PRKCSH: variants seen among roughly 807,000 people sequenced by gnomAD.
The protein encoded by PRKCSH is glucosidase 2 subunit beta.
PRKCSH carries 42 observed loss-of-function variants against 79.7 expected under a neutral mutation model. The observed-to-expected ratio is 0.53, with a 90% confidence interval of 0.41 to 0.68. The LOEUF (loss-of-function observed/expected upper bound fraction) is 0.68, where lower values mean the gene tolerates loss of function less well. PRKCSH is among the 30% of genes least tolerant of loss of function. The pLI is 0.00. For missense variants in PRKCSH, 686 were observed against 709.0 expected (o/e 0.97, Z 0.37); for synonymous variants, 325 against 288.2 (o/e 1.13, Z -1.29).
At chr19:11,439,595 T>TTTTTC (rs1405162854) in intron 5 of PRKCSH, among the ~76,000 whole-genome samples, 11 of 142,620 alleles carry the variant, frequency 7.7e-5, no homozygotes, top group Admixed American at 2.1e-4. Flanking sequence ...CTCAGAAAAA[T>TTTTTC]TTTTCTTTTC....
rs369300718 is a variant in PRKCSH, at chr19:11,436,480, C to T, written c.171C>T (p.Asp57=). 3 of 1,614,040 alleles carry T rather than the reference C, an allele frequency of 1.9e-6. No homozygotes were observed. The highest frequency in any genetic ancestry group is 2.2e-5 in the East Asian group (1 of 44,878). The change falls in exon 3 of 18, where the codon GAC becomes GAT. Residue 57 remains aspartate (D), a synonymous_variant. Transcript: ENST00000677123. ...ATCAGGTCAACGATGACTATTGCGA[C>T]TGCAAAGATGGCTCTGACGAGCCAG... ...PFDQVNDDYC[D]CKDGSDEPGT... is the part of the protein sequence containing the mutation.
In PRKCSH at chr19:11,445,473, C is replaced by A; in HGVS notation, c.683C>A (p.Thr228Lys). ...FKELDDDMDG[T>K]VSVTELQTHP... Reference sequence around the variant, plus strand: ...GAGCTGGATGATGACATGGACGGGACGTGAGTGTCCCCTAGTTGGAGCTGC... The same window carrying A: ...GAGCTGGATGATGACATGGACGGGAAGTGAGTGTCCCCTAGTTGGAGCTGC... Residue 228 changes from threonine (T) to lysine (K), a missense_variant and splice_region_variant, in exon 8 of 18, where the codon ACG becomes AAG. Thr to Lys is a moderately conservative substitution (Grantham distance 78). This residue lies in a region of PRKCSH where 549 missense variants were observed against 520.2 expected (regional missense o/e 1.06). Transcript: ENST00000677123. The A allele has an allele frequency of 6.2e-7, 1 of 1,613,862 alleles. No homozygotes were observed. The highest frequency in any genetic ancestry group is 8.5e-7 in the Non-Finnish European group (1 of 1,179,908).
rs1970404008 is a variant in PRKCSH at position 11,448,026 on chromosome 19, C to G, written c.1127-196C>G. ...CTTGTTTGTGTCACTCCTGGCCCCACTCGCTCAGGAGCTGGGAGCCTGGGC... is the reference window on the plus strand; with the variant it reads ...CTTGTTTGTGTCACTCCTGGCCCCAGTCGCTCAGGAGCTGGGAGCCTGGGC... On this transcript the variant is annotated intron_variant, in intron 12 of 17. Transcript: ENST00000677123. The surrounding 1 kb of genome is among the most constrained non-coding windows in gnomAD (Gnocchi z 4.4). The G allele has an allele frequency of 4.0e-6, 3 of 758,310 alleles. No homozygotes were observed. The highest frequency in any genetic ancestry group is 2.2e-6 in the Non-Finnish European group (1 of 460,528). The allele number at this position is 758,310 out of a possible 1,614,324, so 47.0% of individuals were successfully genotyped here.
chr19:11,435,750 A>AG, intron 1 of PRKCSH, 44 bp downstream of exon 1: 1 of 1,361,926 alleles, frequency 7.3e-7, no homozygotes, highest in African/African-American at 1.5e-5. Flanking sequence ...AGTTTCTTAC[A>AG]GGGGGCAACC....
Position 11,447,228 on chromosome 19 carries a change from A to T in PRKCSH, c.849+68A>T. 6.4e-7 allele frequency: 1 copy of T among 1,560,554 alleles called. No individual in the cohort carries two copies. The highest frequency in any genetic ancestry group is 8.8e-7 in the Non-Finnish European group (1 of 1,139,320). On this transcript the variant is annotated intron_variant, in intron 10 of 17. Transcript: ENST00000677123. This position sits in a 1 kb window ranked among gnomAD's most constrained non-coding sequence, Gnocchi z 5.6. ...CTGCCCCCACCCCGCCTCACAAAGG[A>T]GCTGCCTCTGGTTCTGGCACCTGGC... is the stretch of plus-strand genomic sequence containing the variant.
chr19:11,447,933 G>T lies in PRKCSH; in HGVS notation c.1126+144G>T. 2 of 1,057,292 alleles carry T rather than the reference G, an allele frequency of 1.9e-6. No individual in the cohort carries two copies. Among genetic ancestry groups the T allele is most frequent in the Non-Finnish European group, 2.7e-6 (2 of 746,818 alleles). 65.5% of individuals were successfully genotyped at this position (1,057,292 alleles called of 1,614,324 possible). On this transcript the variant is annotated intron_variant, in intron 12 of 17. Coordinates refer to ENST00000677123, the MANE Select transcript of PRKCSH (RefSeq NM_001289104.2). This position sits in a 1 kb window ranked among gnomAD's most constrained non-coding sequence, Gnocchi z 5.6. ...AGTATCTTGGGGAGTCCAGGAAGGG[G>T]GCCTAGGGTAAGCCAGTCCCACCCT...
intron 5 of PRKCSH, among the ~76,000 whole-genome samples, chr19:11,439,639 CAG>C (rs1442882580): frequency 2.9e-5 from 3 of 102,232 alleles, no homozygotes; most frequent in South Asian, 3.5e-4. Flanking sequence ...TTTTGTGAGA[CAG>C]AGTCTCACTC....
At chr19:11,445,730 C>T (rs1970266718) in intron 8 of PRKCSH, 1 of 563,408 alleles carries the variant, frequency 1.8e-6, no homozygotes, top group Non-Finnish European at 3.2e-6. Flanking sequence ...TGTGTCTAGG[C>T]ATCTAGTGAT....
At chr19:11,444,497 T>A (rs897656582) in intron 7 of PRKCSH, among the ~76,000 whole-genome samples, 7 of 152,194 alleles carry the variant, frequency 4.6e-5, no homozygotes, top group Non-Finnish European at 8.8e-5. Flanking sequence ...CCGGGTCTCC[T>A]GGGACATGCG....
In PRKCSH at chr19:11,447,753, C is replaced by T; in HGVS notation, c.1090C>T (p.Pro364Ser). Residue 364 changes from proline to serine, a missense_variant, in exon 12 of 18, where the codon CCG becomes TCG. By Grantham distance (74) the Pro-to-Ser change is moderately conservative. This residue lies in a region of PRKCSH where 549 missense variants were observed against 520.2 expected (regional missense o/e 1.06). Transcript: ENST00000677123. The surrounding 1 kb of genome is among the most constrained non-coding windows in gnomAD (Gnocchi z 5.6). ...PASPAEEDKM[P>S]PYDEQTQAFI... ...CAGCCCTGCTGAGGAAGACAAAATGCCGCCCTACGACGAGCAGACGCAGGC... is the reference window on the plus strand; with the variant it reads ...CAGCCCTGCTGAGGAAGACAAAATGTCGCCCTACGACGAGCAGACGCAGGC... 1.9e-6 allele frequency: 3 copies of T among 1,594,564 alleles called. No individual in the cohort carries two copies. Among genetic ancestry groups the T allele is most frequent in the Admixed American group, 1.7e-5 (1 of 57,390 alleles).
At chr19:11,445,874 C>G (rs1970272834) in intron 8 of PRKCSH, 4 of 420,064 alleles carry the variant, frequency 9.5e-6, no homozygotes, top group Non-Finnish European at 1.8e-5. Context: ...CACGGGGAGC[C>G]TAGGAGATGT....
At chr19:11,439,158 C>T (rs1969926162) in intron 5 of PRKCSH, among the ~76,000 whole-genome samples, 1 of 152,154 alleles carries the variant, frequency 6.6e-6, no homozygotes, top group Admixed American at 6.5e-5. Flanking sequence ...CTGCTCGCCT[C>T]AGCCTCCCAA....
At chr19:11,438,262 TC>T in intron 5 of PRKCSH, 138 bp downstream of exon 5, 1 of 909,328 alleles carries the variant, frequency 1.1e-6, no homozygotes, top group Non-Finnish European at 1.8e-6. Flanking sequence ...TGAATCCTAA[TC>T]CCCACCTTTC....
chr19:11,439,423 AAAATT>A (rs1288909108), intron 5 of PRKCSH, among the ~76,000 whole-genome samples: 39 of 150,472 alleles, frequency 2.6e-4, no homozygotes, highest in Non-Finnish European at 5.3e-4. Context: ...GTAAAAAAAA[AAAATT>A]AAAAAGTAAA....
In PRKCSH at chr19:11,436,804, G is replaced by A. The variant is rs1174112810; in HGVS notation, c.196+299G>A. 4.1e-5 allele frequency: 17 copies of A among 411,070 alleles called. No homozygotes were observed. In the East Asian group the frequency reaches 8.9e-4, roughly 22 times the overall value. 25.5% of individuals were successfully genotyped at this position (411,070 alleles called of 1,614,324 possible). A position where few individuals can be genotyped will look rare whatever the true frequency, so the allele number is the denominator to read the frequency against. Reference sequence around the variant, plus strand: ...AACCCCTAGAAGTGGGAGACAGGGTGGGGCCAAGAGCAATCCAGCAGGAGA... The same window carrying A: ...AACCCCTAGAAGTGGGAGACAGGGTAGGGCCAAGAGCAATCCAGCAGGAGA... On this transcript the variant is annotated intron_variant, in intron 3 of 17. Transcript: ENST00000677123.
Position 11,436,204 on chromosome 19 carries a change from C to CTCCTGTTCACCT in PRKCSH, c.79+19_79+20insTTCCTGTTCACC, listed in dbSNP as rs1278421154. On this transcript the variant is annotated intron_variant, in intron 2 of 17. Coordinates refer to ENST00000677123, the MANE Select transcript of PRKCSH (RefSeq NM_001289104.2). ...GGGGCGTCTCCCTCACCAGTGAGTC[C>CTCCTGTTCACCT]TCCTGTTCACCCTCCCGCCAGGCTG... The CTCCTGTTCACCT allele has an allele frequency of 1.4e-6, 2 of 1,474,720 alleles. No individual in the cohort carries two copies. The highest frequency in any genetic ancestry group is 2.7e-5 in the African/African-American group (2 of 73,324). 91.4% of individuals were successfully genotyped at this position (1,474,720 alleles called of 1,614,324 possible).
chr19:11,439,249 C>T (rs184255810), intron 5 of PRKCSH, among the ~76,000 whole-genome samples: 12 of 152,106 alleles, frequency 7.9e-5, no homozygotes, highest in South Asian at 2.1e-4. Context: ...AACCTTGTTG[C>T]GACCTTGGCG....
chr19:11,441,915 A>G (rs929276426), intron 6 of PRKCSH, among the ~76,000 whole-genome samples: 3 of 152,218 alleles, frequency 2.0e-5, no homozygotes, highest in African/African-American at 7.2e-5. Context: ...AATTCGGGGT[A>G]GAGACTTCTT....
rs1287213149 is a variant in PRKCSH, at chr19:11,442,344, C to T, written c.469-42C>T. Reference sequence around the variant, plus strand: ...GAGGTAGTAGTCAATGAGGAGGAGGCAGAACAGAGGAGAGCTGGTCTCTTG... The same window carrying T: ...GAGGTAGTAGTCAATGAGGAGGAGGTAGAACAGAGGAGAGCTGGTCTCTTG... On this transcript the variant is annotated intron_variant, in intron 6 of 17. Transcript: ENST00000677123. 2.6e-6 allele frequency: 4 copies of T among 1,552,944 alleles called. No individual in the cohort carries two copies. In the Admixed American group the frequency reaches 7.7e-5, roughly 30 times the overall value.
Sources: gnomAD v4.1 joint callset for allele counts (sites outside exome capture counted in the v4.1 genomes callset) on GRCh38, gnomAD v4.1.1 for gene constraint, gnomAD v4.1.1 regional missense constraint, Gnocchi (gnomAD v3.1) non-coding constraint, MANE v1.5 for transcripts, NCBI Gene and HGNC (gene_info 2026-07-23, HGNC 2026-07-21) for gene names.